Variants in DOCK10 observed in about 807,000 individuals in gnomAD.
DOCK10 encodes dedicator of cytokinesis 10.
In DOCK10, 145 loss-of-function variants were observed where a neutral mutation model predicts 280.1. The ratio of observed to expected loss-of-function variants is 0.52; its 90% confidence interval spans 0.45 to 0.59. The LOEUF (loss-of-function observed/expected upper bound fraction) is 0.59. Among genes scored for constraint, DOCK10 ranks in the 20% least tolerant of loss-of-function variants. The pLI is 0.00. For missense variants in DOCK10, 2,368 were observed against 2,651.7 expected (o/e 0.89, Z 2.35); for synonymous variants, 915 against 942.2 (o/e 0.97, Z 0.53).
chr2:224,905,535 C>A (rs553521864), intron 3 of DOCK10, among the ~76,000 whole-genome samples: 25 of 152,100 alleles, frequency 1.6e-4, no homozygotes, highest in African/African-American at 5.8e-4. Context: ...AGGCGTGAGC[C>A]ACCGCGCCCG....
intron 1 of DOCK10, among the ~76,000 whole-genome samples, chr2:225,025,049 G>C (rs1026135767): frequency 6.6e-6 from 1 of 152,170 alleles, no homozygotes; most frequent in Non-Finnish European, 1.5e-5. Context: ...TATTCTTTAA[G>C]GAGTAAATAA....
At chr2:224,895,791 C>T (rs1368885) in intron 4 of DOCK10, among the ~76,000 whole-genome samples, 58,611 of 150,778 alleles carry the variant, frequency 0.39, 13,671 homozygotes, top group African/African-American at 0.65. Flanking sequence ...AGGAAAAAAT[C>T]AGGTGTTTAT....
At chr2:224,788,304 T>C (rs1357550022) in intron 48 of DOCK10, among the ~76,000 whole-genome samples, 3 of 152,170 alleles carry the variant, frequency 2.0e-5, no homozygotes, top group Non-Finnish European at 4.4e-5. Flanking sequence ...AATTTTCAAC[T>C]GAATAAAGTT....
chr2:224,982,707 C>A (rs1225605381), intron 1 of DOCK10, among the ~76,000 whole-genome samples: 1 of 152,154 alleles, frequency 6.6e-6, no homozygotes, highest in African/African-American at 2.4e-5. Flanking sequence ...CATTCAGACA[C>A]ACAAATAAAT....
Position 224,796,406 on chromosome 2 carries a change from C to T in DOCK10, c.4848G>A (p.Gln1616=), listed in dbSNP as rs1193529597. The stretch of plus-strand genomic sequence containing the variant: ...CTCCAATCCCAGCATCGGCTATTAA[C>T]TGGCTCACAGCTTTGATGAGCTAGA... ...SHLQLIKAVS[Q]LIADAGIGGS... Residue 1616 remains glutamine, a synonymous_variant, in exon 44 of 56, where the codon CAG becomes CAA. Coordinates refer to ENST00000258390, the MANE Select transcript of DOCK10 (RefSeq NM_014689.3). 1 of 1,565,346 alleles carries T rather than the reference C, an allele frequency of 6.4e-7. No homozygotes were observed. Among genetic ancestry groups the T allele is most frequent in the Non-Finnish European group, 8.7e-7 (1 of 1,153,752 alleles).
intron 44 of DOCK10, among the ~76,000 whole-genome samples, chr2:224,795,655 G>A (rs1692512575): frequency 6.6e-6 from 1 of 152,198 alleles, no homozygotes; most frequent in Non-Finnish European, 1.5e-5. Flanking sequence ...TAAACAAAGA[G>A]GAAAGCTGAG....
At chr2:224,837,572 C>A (rs1343778820) in intron 25 of DOCK10, among the ~76,000 whole-genome samples, 190 bp downstream of exon 25, 1 of 152,188 alleles carries the variant, frequency 6.6e-6, no homozygotes, top group Non-Finnish European at 1.5e-5. Context: ...ATTATTTATA[C>A]ATTTAAAAAT....
chr2:224,838,671 G>A (rs1695746947), intron 24 of DOCK10, among the ~76,000 whole-genome samples: 1 of 152,174 alleles, frequency 6.6e-6, no homozygotes, highest in African/African-American at 2.4e-5. Flanking sequence ...TAATATGCCT[G>A]TGAGTTAGAA....
At chr2:224,982,103 TCA>T in intron 1 of DOCK10, 2 of 859,256 alleles carry the variant, frequency 2.3e-6, no homozygotes, top group Non-Finnish European at 3.1e-6. Context: ...AAACTCTAGG[TCA>T]CACATGCCTT....
chr2:224,966,165 C>T (rs1368378165), intron 1 of DOCK10, among the ~76,000 whole-genome samples: 1 of 152,128 alleles, frequency 6.6e-6, no homozygotes, highest in East Asian at 1.9e-4. Context: ...GCAGCCTATA[C>T]ACCATCCACT....
At chr2:224,874,922 C>T (rs1012601383) in intron 8 of DOCK10, among the ~76,000 whole-genome samples, 171 bp from the exon 9 acceptor site, 16 of 152,144 alleles carry the variant, frequency 1.1e-4, no homozygotes, top group African/African-American at 3.4e-4. Context: ...GTGATCTGGG[C>T]CTGGAAATCA....
chr2:224,788,092 T>TA lies in DOCK10; in HGVS notation c.5419-696dup, dbSNP rs35501042. Among the ~76,000 whole-genome samples the TA allele has an allele frequency of 3.6e-3, 533 of 149,280 alleles. 3 individuals carry two copies. The highest frequency in any genetic ancestry group is 6.0e-3 in the Non-Finnish European group (406 of 67,132). On this transcript the variant is annotated intron_variant, in intron 48 of 55. Coordinates refer to ENST00000258390, the MANE Select transcript of DOCK10 (RefSeq NM_014689.3). ...TCATCACCATTTCAACACTTCCATG[T>TA]AAAAAAAAAAGTTCCCCTTCTGATT...
chr2:224,965,331 G>A (rs957825898), intron 1 of DOCK10, among the ~76,000 whole-genome samples: 1 of 152,098 alleles, frequency 6.6e-6, no homozygotes, highest in Non-Finnish European at 1.5e-5. Context: ...AAAAGTACCC[G>A]TTTTCTGACT....
intron 28 of DOCK10, 94 bp from the exon 29 acceptor site, chr2:224,819,623 CACTA>C: frequency 1.3e-6 from 1 of 792,578 alleles, no homozygotes; most frequent in Non-Finnish European, 2.0e-6. Flanking sequence ...AGTAAAATAA[CACTA>C]AACTAAATGT....
chr2:225,023,449 A>C (rs13427913), intron 1 of DOCK10, among the ~76,000 whole-genome samples: 23,239 of 152,176 alleles, frequency 0.15, 2,481 homozygotes, highest in Non-Finnish European at 0.21. Flanking sequence ...GCCAATAAAC[A>C]TATAAAACGA....
intron 29 of DOCK10, among the ~76,000 whole-genome samples, chr2:224,817,374 T>A (rs1023656958): frequency 6.6e-6 from 1 of 152,234 alleles, no homozygotes; most frequent in South Asian, 2.1e-4. Context: ...TTTACTCTCA[T>A]GCATGCTAAG....
chr2:224,876,399 T>C (rs1375733100), intron 7 of DOCK10, among the ~76,000 whole-genome samples, 178 bp from the exon 8 acceptor site: 1 of 152,216 alleles, frequency 6.6e-6, no homozygotes, highest in Non-Finnish European at 1.5e-5. Context: ...TTTGATTTCT[T>C]TCAAAGCTTT....
intron 29 of DOCK10, among the ~76,000 whole-genome samples, chr2:224,818,774 A>G (rs960057842): frequency 1.9e-4 from 29 of 152,132 alleles, no homozygotes; most frequent in African/African-American, 6.5e-4. Context: ...TTTCCAATCA[A>G]TTCCCTTTTG....
chr2:225,017,705 C>CAAAAAA (rs61170287), intron 1 of DOCK10, among the ~76,000 whole-genome samples: 4 of 126,752 alleles, frequency 3.2e-5, no homozygotes, highest in Non-Finnish European at 6.7e-5. Context: ...CCTACTGTTC[C>CAAAAAA]AAAAAAAAAA....
Sources: allele counts gnomAD v4.1 joint callset (sites outside exome capture counted in the v4.1 genomes callset), GRCh38; gene constraint gnomAD v4.1.1; transcripts MANE v1.5; gene names NCBI Gene and HGNC (gene_info 2026-07-23, HGNC 2026-07-21).